The following PACS2 variants were observed in gnomAD, a reference collection of about 807,000 sequenced individuals.
The protein encoded by PACS2 is PACS1-like protein.
In PACS2, 36 loss-of-function variants were observed where a neutral mutation model predicts 113.0. The ratio of observed to expected loss-of-function variants is 0.32; its 90% CI spans 0.24 to 0.42. The LOEUF is 0.42. Among genes scored for constraint, PACS2 ranks in the 10% least tolerant of loss-of-function variants. The pLI is 1.00. For synonymous variants in PACS2, 589 were observed against 536.1 expected (o/e 1.10, Z -1.36); for missense variants, 1,015 against 1,239.5 (o/e 0.82, Z 2.72).
chr14:105,302,280 T>C lies in PACS2; in HGVS notation c.-83+1301T>C, dbSNP rs1290562590. 2.0e-5 allele frequency among the ~76,000 whole-genome samples: 3 copies of C among 148,874 alleles called. No individual in the cohort carries two copies. In the South Asian group the frequency reaches 6.8e-4, roughly 34 times the overall value. On this transcript the variant is annotated intron_variant, in intron 1 of 23. Coordinates refer to the PACS2 transcript ENST00000430725. The stretch of plus-strand genomic sequence containing the variant: ...GTGCAGTGGTGAGATATCGGCTCAC[T>C]GCAACCTCTGCCTCCTGGGTTTAAG...
At chr14:105,359,587 C>CTTT (rs1162190552) in intron 4 of PACS2, among the ~76,000 whole-genome samples, 86 of 101,734 alleles carry the variant, frequency 8.5e-4, no homozygotes, top group African/African-American at 1.2e-3. Flanking sequence ...GTATTTCTTT[C>CTTT]TTTTTTTTTT....
At chr14:105,393,373 G>A (rs781816763) in intron 24 of PACS2, 38 bp downstream of exon 24, 13 of 1,411,112 alleles carry the variant, frequency 9.2e-6, no homozygotes, top group East Asian at 4.6e-5. Context: ...AGAGTGGGAC[G>A]TAGGTGAGAG....
chr14:105,325,045 C>G (rs2059045476), intron 1 of PACS2, among the ~76,000 whole-genome samples: 1 of 152,070 alleles, frequency 6.6e-6, no homozygotes, highest in Non-Finnish European at 1.5e-5. Flanking sequence ...CTCAGCACCC[C>G]CTGGCCAAGC....
chr14:105,310,036 G>A (rs1011093653), upstream of PACS2, among the ~76,000 whole-genome samples: 27 of 151,360 alleles, frequency 1.8e-4, no homozygotes, highest in African/African-American at 4.4e-4. Flanking sequence ...CACCCGCCTC[G>A]GCCTCCCAAA....
Position 105,367,389 on chromosome 14 carries a change from C to T in PACS2, c.586+14C>T. On this transcript the variant is annotated intron_variant, in intron 5 of 24. Coordinates refer to ENST00000447393, the MANE Select transcript of PACS2 (RefSeq NM_001100913.3). ...CCAAGTCCACGGGTGAGTGTGGTGC[C>T]AGCCCGCTCCTGCCCCTGCTGTGGG... 3.1e-6 allele frequency: 5 copies of T among 1,609,916 alleles called. No homozygotes were observed. Among genetic ancestry groups the T allele is most frequent in the Non-Finnish European group, 4.2e-6 (5 of 1,177,412 alleles).
Position 105,383,740 on chromosome 14 carries a change from G to A in PACS2, c.1780+227G>A, listed in dbSNP as rs145240323. On this transcript the variant is annotated intron_variant, in intron 16 of 24. Transcript: ENST00000447393. ...CTTTGTTAATTTTAATTATATGCAA[G>A]ATAACTTGATTGCCCTAAAACAGCC... 1.6e-3 allele frequency: 865 copies of A among 535,392 alleles called. 3 individuals carry two copies. The highest frequency in any genetic ancestry group is 0.013 in the African/African-American group (656 of 51,634). 33.2% of individuals were successfully genotyped at this position (535,392 alleles called of 1,614,324 possible).
intron 1 of PACS2, among the ~76,000 whole-genome samples, chr14:105,304,397 A>G (rs2140638536): frequency 6.6e-6 from 1 of 152,280 alleles, no homozygotes; most frequent in East Asian, 1.9e-4. Context: ...CTGAGGCAGG[A>G]GAATTGCTTG....
chr14:105,363,138 G>A (rs1374704172), intron 4 of PACS2, among the ~76,000 whole-genome samples: 1 of 152,172 alleles, frequency 6.6e-6, no homozygotes, highest in African/African-American at 2.4e-5. Flanking sequence ...AGTCGACTTT[G>A]CATAATTCTT....
intron 1 of PACS2, among the ~76,000 whole-genome samples, chr14:105,326,679 C>G (rs1187724853): frequency 6.6e-6 from 1 of 152,236 alleles, no homozygotes. Flanking sequence ...TCCCCCACCT[C>G]AAGCCTGGGG....
intron 22 of PACS2, chr14:105,392,150 C>T (rs1400358314): frequency 9.3e-6 from 3 of 323,796 alleles, no homozygotes; most frequent in African/African-American, 2.2e-5. Context: ...CTAGCCCGCC[C>T]GGGTCTCTCC....
intron 15 of PACS2, 156 bp from the exon 16 acceptor site, chr14:105,383,203 C>A: frequency 1.2e-6 from 1 of 847,444 alleles, no homozygotes; most frequent in Non-Finnish European, 2.0e-6. Context: ...CACGTTTGGG[C>A]ATGTGGGGGT....
intron 5 of PACS2, 151 bp from the exon 6 acceptor site, chr14:105,367,923 C>T (rs2060997680): frequency 1.5e-6 from 1 of 660,498 alleles, no homozygotes; most frequent in South Asian, 1.6e-5. Context: ...GGCTCGGGGC[C>T]ACGGCACCTG....
chr14:105,369,932 C>T (rs1555408950), intron 8 of PACS2, 32 bp downstream of exon 8: 2 of 1,576,342 alleles, frequency 1.3e-6, no homozygotes, highest in Admixed American at 3.4e-5. Flanking sequence ...CTCGCGGCCC[C>T]CACGCCTGCA....
rs375387252 is a variant in PACS2, at chr14:105,352,422, C to T, written c.252C>T (p.Pro84=). ...ILRSHEIVLP[P]SGQVETDLAL... Reference sequence around the variant, plus strand: ...GGTCCCATGAGATTGTGCTGCCCCCCAGTGGACAAGTGGAGACAGACCTGG... The same window carrying T: ...GGTCCCATGAGATTGTGCTGCCCCCTAGTGGACAAGTGGAGACAGACCTGG... Residue 84 remains proline, a synonymous_variant, in exon 3 of 25, where the codon CCC becomes CCT. Coordinates refer to ENST00000447393, the MANE Select transcript of PACS2 (RefSeq NM_001100913.3). 1.2e-6 allele frequency: 2 copies of T among 1,612,892 alleles called. No homozygotes were observed. Among genetic ancestry groups the T allele is most frequent in the African/African-American group, 1.3e-5 (1 of 74,864 alleles).
At chr14:105,308,559 T>C (rs902429649) in intron 1 of PACS2, among the ~76,000 whole-genome samples, 2 of 148,258 alleles carry the variant, frequency 1.3e-5, no homozygotes, top group African/African-American at 2.5e-5. Context: ...CTTGGCTCAC[T>C]GCAACCTCCG....
chr14:105,334,450 A>C (rs2140925487), intron 1 of PACS2, among the ~76,000 whole-genome samples: 1 of 147,912 alleles, frequency 6.8e-6, no homozygotes, highest in South Asian at 2.1e-4. Context: ...GCTCCACCTG[A>C]GGCCCAGTGT....
intron 1 of PACS2, among the ~76,000 whole-genome samples, chr14:105,316,796 C>T (rs2058669128): frequency 6.6e-6 from 1 of 151,900 alleles, no homozygotes. Flanking sequence ...TGGGGGGGGT[C>T]CCGAGCTCTG....
intron 13 of PACS2, 91 bp from the exon 14 acceptor site, chr14:105,382,386 G>A (rs1463370490): frequency 7.5e-6 from 6 of 800,426 alleles, no homozygotes; most frequent in Non-Finnish European, 1.3e-5. Context: ...GGCTGCAGGG[G>A]GAGCAGGGGC....
intron 17 of PACS2, 60 bp from the exon 18 acceptor site, chr14:105,384,819 G>A: frequency 8.7e-7 from 1 of 1,145,666 alleles, no homozygotes; most frequent in Non-Finnish European, 1.3e-6. Flanking sequence ...GCCCAGCTTA[G>A]CCCCGCCTGC....
Sources: gnomAD v4.1 joint callset for allele counts (sites outside exome capture counted in the v4.1 genomes callset) on GRCh38, gnomAD v4.1.1 for gene constraint, MANE v1.5 for transcripts, NCBI Gene and HGNC (gene_info 2026-07-23, HGNC 2026-07-21) for gene names.